INSM1: variants seen among roughly 807,000 people sequenced by gnomAD.
The protein encoded by INSM1 is INSM transcriptional repressor 1, also known as insulinoma-associated protein 1.
A neutral mutation model predicts 21.1 loss-of-function variants in INSM1; 11 were observed. The observed-to-expected ratio is 0.52, with a 90% CI of 0.33 to 0.86. The LOEUF is 0.86. INSM1 is among the 40% of genes least tolerant of loss of function. INSM1 has a pLI of 0.03. For missense variants in INSM1, 843 were observed against 760.1 expected (o/e 1.11, Z -1.28); for synonymous variants, 473 against 386.1 (o/e 1.23, Z -2.64).
rs1365334394 is a variant in INSM1, at chr20:20,369,039, G to A, written c.772G>A (p.Gly258Arg). ...GGTGGAGGCGCCGCGGGGCCGCGCGGGGGGCGCGGCGCGGCCGCTGGGCGA... is the reference window on the plus strand; with the variant it reads ...GGTGGAGGCGCCGCGGGGCCGCGCGAGGGGCGCGGCGCGGCCGCTGGGCGA... ...GPVEAPRGRA[G>R]GAARPLGEFI... The change falls in exon 1 of 1, where the codon GGG becomes AGG. Residue 258 changes from glycine (G) to arginine (R), a missense_variant. Physicochemically the swap from Gly to Arg is moderately radical, Grantham distance 125 (BLOSUM62 -2). Coordinates refer to ENST00000310227, the MANE Select transcript of INSM1 (RefSeq NM_002196.3). This position sits in a 1 kb window ranked among gnomAD's most constrained non-coding sequence, Gnocchi z 5.6. The A allele has an allele frequency of 5.8e-6, 9 of 1,545,314 alleles. No individual in the cohort carries two copies. Among genetic ancestry groups the A allele is most frequent in the East Asian group, 2.4e-5 (1 of 40,916 alleles).
chr20:20,369,356 G>C lies in INSM1; in HGVS notation c.1089G>C (p.Glu363Asp). The change falls in exon 1 of 1, where the codon GAG becomes GAC. Residue 363 changes from glutamate (E) to aspartate (D), a missense_variant. Glu to Asp is a conservative substitution (Grantham distance 45, BLOSUM62 2). Coordinates refer to ENST00000310227, the MANE Select transcript of INSM1 (RefSeq NM_002196.3). This position sits in a 1 kb window ranked among gnomAD's most constrained non-coding sequence, Gnocchi z 5.6. ...SPGGVSESGS[E>D]DGLYECHHCA... ...GCGGCGTGTCCGAGTCGGGCTCCGA[G>C]GACGGGCTCTACGAGTGCCATCACT... is the stretch of plus-strand genomic sequence containing the variant. The C allele has an allele frequency of 6.7e-7, 1 of 1,500,822 alleles. No homozygotes were observed. The highest frequency in any genetic ancestry group is 8.8e-7 in the Non-Finnish European group (1 of 1,138,028). The allele number at this position is 1,500,822 out of a possible 1,614,324, so 93.0% of individuals were successfully genotyped here.
Position 20,370,838 on chromosome 20 carries a change from C to A in INSM1, c.*1038C>A, listed in dbSNP as rs1266273338. 1.2e-5 allele frequency: 2 copies of A among 167,012 alleles called. No homozygotes were observed. Among genetic ancestry groups the A allele is most frequent in the Non-Finnish European group, 2.9e-5 (2 of 68,126 alleles). The allele number at this position is 167,012 out of a possible 1,614,324, so 10.3% of individuals were successfully genotyped here. On this transcript the variant is annotated 3_prime_UTR_variant, in exon 1 of 1. Coordinates refer to ENST00000310227, the MANE Select transcript of INSM1 (RefSeq NM_002196.3). ...CAGCTCTTACTTTTAAATGCAATCT[C>A]TTTTCTACATACATTATTTTCTTAA...
At position 20,368,245 on chromosome 20, in the gene INSM1, C is replaced by T. The variant is rs902986472; in HGVS notation, c.-23C>T. 5 of 1,196,438 alleles carry T rather than the reference C, an allele frequency of 4.2e-6. No homozygotes were observed. The highest frequency in any genetic ancestry group is 4.2e-6 in the Non-Finnish European group (4 of 954,228). The allele number at this position is 1,196,438 out of a possible 1,614,324, so 74.1% of individuals were successfully genotyped here. On this transcript the variant is annotated 5_prime_UTR_variant, in exon 1 of 1. Transcript: ENST00000310227. This position sits in a 1 kb window ranked among gnomAD's most constrained non-coding sequence, Gnocchi z 4.3. ...GCGCGGAGGGGGGACCGAGCCAGTG[C>T]CGTGCCCTCGGGCCGCGCCAACATG...
At position 20,368,781 on chromosome 20, in the gene INSM1, G is replaced by A; in HGVS notation, c.514G>A (p.Ala172Thr). 3.6e-6 allele frequency: 4 copies of A among 1,117,408 alleles called. No homozygotes were observed. The highest frequency in any genetic ancestry group is 4.8e-5 in the Admixed American group (1 of 20,918). 69.2% of individuals were successfully genotyped at this position (1,117,408 alleles called of 1,614,324 possible). A position where few individuals can be genotyped will look rare whatever the true frequency, so the allele number is the denominator to read the frequency against. ...GCCCGCCGAGCTCAAGATGGGCACG[G>A]CGTTCTCGGCTGGCGCCGAGGCGGC... ...FAPAELKMGT[A>T]FSAGAEAARG... Residue 172 changes from alanine (A) to threonine (T), a missense_variant, in exon 1 of 1, where the codon GCG becomes ACG. Coordinates refer to ENST00000310227, the MANE Select transcript of INSM1 (RefSeq NM_002196.3). The surrounding 1 kb of genome is among the most constrained non-coding windows in gnomAD (Gnocchi z 4.3).
Position 20,368,855 on chromosome 20 carries a change from G to A in INSM1, c.588G>A (p.Arg196=), listed in dbSNP as rs2059486902. Residue 196 remains arginine, a synonymous_variant, in exon 1 of 1, where the codon CGG becomes CGA. Transcript: ENST00000310227. This position sits in a 1 kb window ranked among gnomAD's most constrained non-coding sequence, Gnocchi z 4.3. The part of the protein sequence containing the change: ...GPPLPPAAAL[R]PPGKRPPPPT... ...CACTGCCCCCTGCCGCCGCCCTGCGGCCCCCGGGAAAGCGGCCCCCGCCCC... is the reference window on the plus strand; with the variant it reads ...CACTGCCCCCTGCCGCCGCCCTGCGACCCCCGGGAAAGCGGCCCCCGCCCC... 1.3e-5 allele frequency: 17 copies of A among 1,343,240 alleles called. No homozygotes were observed. Among genetic ancestry groups the A allele is most frequent in the Non-Finnish European group, 1.6e-5 (17 of 1,047,640 alleles). 83.2% of individuals were successfully genotyped at this position (1,343,240 alleles called of 1,614,324 possible). A position where few individuals can be genotyped will look rare whatever the true frequency, so the allele number is the denominator to read the frequency against.
chr20:20,368,531 C>A lies in INSM1; in HGVS notation c.264C>A (p.Phe88Leu). The A allele has an allele frequency of 7.6e-7, 1 of 1,310,358 alleles. No individual in the cohort carries two copies. The highest frequency in any genetic ancestry group is 9.9e-7 in the Non-Finnish European group (1 of 1,011,212). 81.2% of individuals were successfully genotyped at this position (1,310,358 alleles called of 1,614,324 possible). A position where few individuals can be genotyped will look rare whatever the true frequency, so the allele number is the denominator to read the frequency against. ...CGCAGGGCCCGCGGGCCGCGCACTT[C>A]GGCAACCCCGAGGCTGCGCACCCCG... The part of the protein sequence containing the change: ...PPPQGPRAAH[F>L]GNPEAAHPAP... Residue 88 changes from phenylalanine to leucine, a missense_variant, in exon 1 of 1, where the codon TTC becomes TTA. By Grantham distance (22) the Phe-to-Leu change is conservative. Transcript: ENST00000310227. This position sits in a 1 kb window ranked among gnomAD's most constrained non-coding sequence, Gnocchi z 4.3.
rs1326883650 is a variant in INSM1, at chr20:20,368,163, C to G, written c.-105C>G. On this transcript the variant is annotated 5_prime_UTR_variant, in exon 1 of 1. Coordinates refer to ENST00000310227, the MANE Select transcript of INSM1 (RefSeq NM_002196.3). The surrounding 1 kb of genome is among the most constrained non-coding windows in gnomAD (Gnocchi z 4.3). ...GAGCCGTCGCCGGCGCCACGCGAGTCCCGCAGCCGCCGCGCCCGGGCAATG... is the reference window on the plus strand; with the variant it reads ...GAGCCGTCGCCGGCGCCACGCGAGTGCCGCAGCCGCCGCGCCCGGGCAATG... The G allele has an allele frequency of 3.4e-6, 3 of 874,262 alleles. No individual in the cohort carries two copies. Among genetic ancestry groups the G allele is most frequent in the Admixed American group, 5.8e-5 (1 of 17,100 alleles). 54.2% of individuals were successfully genotyped at this position (874,262 alleles called of 1,614,324 possible). A position where few individuals can be genotyped will look rare whatever the true frequency, so the allele number is the denominator to read the frequency against.
Position 20,368,425 on chromosome 20 carries a change from T to TGCCGCC in INSM1, c.168_173dup (p.Pro57_Pro58dup), listed in dbSNP as rs1333372238. ...GCGCCGAGCCCGGTCCCCGGGCCGC[T>TGCCGCC]GCCGCCGCCGCCGCCCGCGGAGCGC... On this transcript the variant is annotated inframe_insertion, in exon 1 of 1. Transcript: ENST00000310227. This position sits in a 1 kb window ranked among gnomAD's most constrained non-coding sequence, Gnocchi z 4.3. 1.0e-4 allele frequency: 102 copies of TGCCGCC among 988,208 alleles called. No individual in the cohort carries two copies. Among genetic ancestry groups the TGCCGCC allele is most frequent in the Non-Finnish European group, 1.2e-4 (101 of 833,632 alleles). 61.2% of individuals were successfully genotyped at this position (988,208 alleles called of 1,614,324 possible).
rs575922783 is a variant in INSM1 at position 20,369,987 on chromosome 20, C to T, written c.*187C>T. On this transcript the variant is annotated 3_prime_UTR_variant, in exon 1 of 1. Coordinates refer to ENST00000310227, the MANE Select transcript of INSM1 (RefSeq NM_002196.3). This position sits in a 1 kb window ranked among gnomAD's most constrained non-coding sequence, Gnocchi z 5.6. ...GTAACCCCATACTCTCCTTTTGACTCCTTTTGGAACCCCCACTTTTACGTT... is the reference window on the plus strand; with the variant it reads ...GTAACCCCATACTCTCCTTTTGACTTCTTTTGGAACCCCCACTTTTACGTT... 8 of 560,822 alleles carry T rather than the reference C, an allele frequency of 1.4e-5. No homozygotes were observed. The highest frequency in any genetic ancestry group is 3.9e-5 in the African/African-American group (2 of 50,900). The allele number at this position is 560,822 out of a possible 1,614,324, so 34.7% of individuals were successfully genotyped here.
rs557726853 is a variant in INSM1 at position 20,370,561 on chromosome 20, G to T, written c.*761G>T. 1 of 167,064 alleles carries T rather than the reference G, an allele frequency of 6.0e-6. No individual in the cohort carries two copies. Among genetic ancestry groups the T allele is most frequent in the Admixed American group, 6.5e-5 (1 of 15,292 alleles). The allele number at this position is 167,064 out of a possible 1,614,324, so 10.3% of individuals were successfully genotyped here. Reference sequence around the variant, plus strand: ...CCTCTAAATGTATATGTTGATTTATGAGTAATTGTTATTTATTCTTTATTT... The same window carrying T: ...CCTCTAAATGTATATGTTGATTTATTAGTAATTGTTATTTATTCTTTATTT... On this transcript the variant is annotated 3_prime_UTR_variant, in exon 1 of 1. Coordinates refer to ENST00000310227, the MANE Select transcript of INSM1 (RefSeq NM_002196.3).
Position 20,369,380 on chromosome 20 carries a change from C to T in INSM1, c.1113C>T (p.His371=), listed in dbSNP as rs761464646. The change falls in exon 1 of 1, where the codon CAC becomes CAT. Residue 371 remains histidine, a synonymous_variant. Coordinates refer to ENST00000310227, the MANE Select transcript of INSM1 (RefSeq NM_002196.3). The surrounding 1 kb of genome is among the most constrained non-coding windows in gnomAD (Gnocchi z 5.6). ...GSEDGLYECH[H]CAKKFRRQAY... is the part of the protein sequence containing the mutation. The stretch of plus-strand genomic sequence containing the variant: ...AGGACGGGCTCTACGAGTGCCATCA[C>T]TGCGCCAAGAAGTTCCGCCGCCAGG... 7 of 1,547,776 alleles carry T rather than the reference C, an allele frequency of 4.5e-6. No homozygotes were observed. The Admixed American group carries it at 1.3e-4, about 29-fold the overall frequency.
At position 20,369,013 on chromosome 20, in the gene INSM1, C is replaced by A. The variant is rs1305001995; in HGVS notation, c.746C>A (p.Pro249Gln). 1 of 1,527,608 alleles carries A rather than the reference C, an allele frequency of 6.5e-7. No homozygotes were observed. Among genetic ancestry groups the A allele is most frequent in the Non-Finnish European group, 8.8e-7 (1 of 1,140,846 alleles). 94.6% of individuals were successfully genotyped at this position (1,527,608 alleles called of 1,614,324 possible). A position where few individuals can be genotyped will look rare whatever the true frequency, so the allele number is the denominator to read the frequency against. ...PVLGLKIKEGPVEAPRGRAGG... is the reference protein window; with the variant it reads ...PVLGLKIKEGQVEAPRGRAGG... The stretch of plus-strand genomic sequence containing the variant: ...CTGGGGCTCAAGATCAAGGAGGGCC[C>A]GGTGGAGGCGCCGCGGGGCCGCGCG... Residue 249 changes from proline to glutamine, a missense_variant, in exon 1 of 1, where the codon CCG (proline) becomes CAG (glutamine). Physicochemically the swap from Pro to Gln is moderately conservative, Grantham distance 76. Transcript: ENST00000310227. This position sits in a 1 kb window ranked among gnomAD's most constrained non-coding sequence, Gnocchi z 5.6.
rs1182022579 is a variant in INSM1 at position 20,370,206 on chromosome 20, T to C, written c.*406T>C. ...GCCTCGCCTACCAATCTCTGCTCTC[T>C]ATGTATGTAGCGTACGGGTTGTTTT... On this transcript the variant is annotated 3_prime_UTR_variant, in exon 1 of 1. Coordinates refer to ENST00000310227, the MANE Select transcript of INSM1 (RefSeq NM_002196.3). The C allele has an allele frequency of 5.2e-6, 1 of 193,286 alleles. No individual in the cohort carries two copies. The highest frequency in any genetic ancestry group is 1.2e-5 in the Non-Finnish European group (1 of 85,842). 12.0% of individuals were successfully genotyped at this position (193,286 alleles called of 1,614,324 possible).
rs2059485785 is a variant in INSM1 at position 20,368,682 on chromosome 20, G to C, written c.415G>C (p.Gly139Arg). 7.4e-7 allele frequency: 1 copy of C among 1,344,506 alleles called. No homozygotes were observed. The highest frequency in any genetic ancestry group is 9.7e-7 in the Non-Finnish European group (1 of 1,032,224). 83.3% of individuals were successfully genotyped at this position (1,344,506 alleles called of 1,614,324 possible). A position where few individuals can be genotyped will look rare whatever the true frequency, so the allele number is the denominator to read the frequency against. ...ESFPTPAALL[G>R]GGGGGGASGA... is the part of the protein sequence containing the mutation. ...CTTCCCCACGCCCGCCGCGCTGCTCGGAGGGGGCGGCGGCGGCGGCGCGAG... is the reference window on the plus strand; with the variant it reads ...CTTCCCCACGCCCGCCGCGCTGCTCCGAGGGGGCGGCGGCGGCGGCGCGAG... Residue 139 changes from glycine (G) to arginine (R), a missense_variant, in exon 1 of 1, where the codon GGA becomes CGA. Physicochemically the swap from Gly to Arg is moderately radical, Grantham distance 125. Coordinates refer to ENST00000310227, the MANE Select transcript of INSM1 (RefSeq NM_002196.3). The surrounding 1 kb of genome is among the most constrained non-coding windows in gnomAD (Gnocchi z 4.3).
rs1284278511 is a variant in INSM1 at position 20,368,766 on chromosome 20, C to A, written c.499C>A (p.Leu167Ile). The change falls in exon 1 of 1, where the codon CTC becomes ATC. Residue 167 changes from leucine to isoleucine, a missense_variant. By Grantham distance (5) the Leu-to-Ile change is conservative. Transcript: ENST00000310227. This position sits in a 1 kb window ranked among gnomAD's most constrained non-coding sequence, Gnocchi z 4.3. ...GDPLLFAPAE[L>I]KMGTAFSAGA... ...CCCGCTGCTCTTCGCGCCCGCCGAGCTCAAGATGGGCACGGCGTTCTCGGC... is the reference window on the plus strand; with the variant it reads ...CCCGCTGCTCTTCGCGCCCGCCGAGATCAAGATGGGCACGGCGTTCTCGGC... 1 of 1,141,766 alleles carries A rather than the reference C, an allele frequency of 8.8e-7. No individual in the cohort carries two copies. Among genetic ancestry groups the A allele is most frequent in the Non-Finnish European group, 1.1e-6 (1 of 912,714 alleles). 70.7% of individuals were successfully genotyped at this position (1,141,766 alleles called of 1,614,324 possible).
Position 20,368,746 on chromosome 20 carries a change from T to A in INSM1, c.479T>A (p.Leu160Gln). The A allele has an allele frequency of 1.7e-6, 2 of 1,163,196 alleles. No individual in the cohort carries two copies. The highest frequency in any genetic ancestry group is 2.2e-6 in the Non-Finnish European group (2 of 929,300). The allele number at this position is 1,163,196 out of a possible 1,614,324, so 72.1% of individuals were successfully genotyped here. A position where few individuals can be genotyped will look rare whatever the true frequency, so the allele number is the denominator to read the frequency against. ...GGGGTCGGDP[L>Q]LFAPAELKMG... ...GGCGGCACCTGCGGCGGCGACCCGCTGCTCTTCGCGCCCGCCGAGCTCAAG... is the reference window on the plus strand; with the variant it reads ...GGCGGCACCTGCGGCGGCGACCCGCAGCTCTTCGCGCCCGCCGAGCTCAAG... The change falls in exon 1 of 1, where the codon CTG becomes CAG. Residue 160 changes from leucine to glutamine, a missense_variant. Physicochemically the swap from Leu to Gln is moderately radical, Grantham distance 113. Transcript: ENST00000310227. The surrounding 1 kb of genome is among the most constrained non-coding windows in gnomAD (Gnocchi z 4.3).
Position 20,368,708 on chromosome 20 carries a change from C to A in INSM1, c.441C>A (p.Ser147Arg). Residue 147 changes from serine to arginine, a missense_variant, in exon 1 of 1, where the codon AGC (serine) becomes AGA (arginine). Coordinates refer to ENST00000310227, the MANE Select transcript of INSM1 (RefSeq NM_002196.3). This position sits in a 1 kb window ranked among gnomAD's most constrained non-coding sequence, Gnocchi z 4.3. The stretch of plus-strand genomic sequence containing the variant: ...GAGGGGGCGGCGGCGGCGGCGCGAG[C>A]GGAGCTGGCGGAGGCGGCACCTGCG... ...LLGGGGGGGA[S>R]GAGGGGTCGG... 1 of 1,225,046 alleles carries A rather than the reference C, an allele frequency of 8.2e-7. No individual in the cohort carries two copies. Among genetic ancestry groups the A allele is most frequent in the Non-Finnish European group, 1.0e-6 (1 of 971,344 alleles). 75.9% of individuals were successfully genotyped at this position (1,225,046 alleles called of 1,614,324 possible).
chr20:20,370,028 C>A lies in INSM1; in HGVS notation c.*228C>A. Reference sequence around the variant, plus strand: ...CTTTTACGTTGTGTCCCTCCGCCTCCCCCATGGCGCAACAGGAGTCAGTCT... The same window carrying A: ...CTTTTACGTTGTGTCCCTCCGCCTCACCCATGGCGCAACAGGAGTCAGTCT... On this transcript the variant is annotated 3_prime_UTR_variant, in exon 1 of 1. Coordinates refer to ENST00000310227, the MANE Select transcript of INSM1 (RefSeq NM_002196.3). The A allele has an allele frequency of 1.9e-6, 1 of 529,228 alleles. No homozygotes were observed. The highest frequency in any genetic ancestry group is 3.1e-5 in the South Asian group (1 of 31,976). 32.8% of individuals were successfully genotyped at this position (529,228 alleles called of 1,614,324 possible).
rs780285973 is a variant in INSM1, at chr20:20,368,883, A to G, written c.616A>G (p.Thr206Ala). ...RPPGKRPPPPTAAEPPAKAVK... is the reference protein window; with the variant it reads ...RPPGKRPPPPAAAEPPAKAVK... ...CCCGGGAAAGCGGCCCCCGCCCCCT[A>G]CCGCCGCGGAGCCGCCCGCCAAGGC... The change falls in exon 1 of 1, where the codon ACC (threonine) becomes GCC (alanine). Residue 206 changes from threonine to alanine, a missense_variant. Thr to Ala is a moderately conservative substitution (Grantham distance 58). Coordinates refer to ENST00000310227, the MANE Select transcript of INSM1 (RefSeq NM_002196.3). This position sits in a 1 kb window ranked among gnomAD's most constrained non-coding sequence, Gnocchi z 4.3. The G allele has an allele frequency of 1.4e-5, 21 of 1,448,928 alleles. No homozygotes were observed. In the Admixed American group the frequency reaches 4.4e-4, roughly 30 times the overall value. 89.8% of individuals were successfully genotyped at this position (1,448,928 alleles called of 1,614,324 possible).
Sources: gnomAD v4.1 joint callset for allele counts on GRCh38, gnomAD v4.1.1 for gene constraint, Gnocchi (gnomAD v3.1) non-coding constraint, MANE v1.5 for transcripts, NCBI Gene and HGNC (gene_info 2026-07-23, HGNC 2026-07-21) for gene names.